The following PSMD11 variants were observed in gnomAD, a reference collection of about 807,000 sequenced individuals.
The protein encoded by PSMD11 is 26S proteasome non-ATPase regulatory subunit 11.
PSMD11 carries 5 observed loss-of-function variants against 62.3 expected under a neutral mutation model. The ratio of observed to expected loss-of-function variants is 0.08; its 90% CI spans 0.04 to 0.17. The LOEUF (loss-of-function observed/expected upper bound fraction) is 0.17. PSMD11 is among the 10% of genes least tolerant of loss of function. The pLI is 1.00. For synonymous variants in PSMD11, 191 were observed against 191.8 expected, an observed-to-expected ratio of 1.00 and a Z score of 0.03; for missense variants, 310 against 512.9, an observed-to-expected ratio of 0.60 and a Z score of 3.82.
chr17:32,459,127 T>TC (rs1907741752), intron 3 of PSMD11, among the ~76,000 whole-genome samples: 1 of 142,632 alleles, frequency 7.0e-6, no homozygotes. Context: ...TATATATATA[T>TC]ATATATATAT....
intron 5 of PSMD11, among the ~76,000 whole-genome samples, chr17:32,467,437 G>A (rs1333259936): frequency 6.6e-6 from 1 of 150,480 alleles, no homozygotes; most frequent in Non-Finnish European, 1.5e-5. Context: ...ATAGAGACGG[G>A]GTTTCACCAT....
intron 3 of PSMD11, among the ~76,000 whole-genome samples, chr17:32,456,914 G>A (rs1395683142): frequency 3.3e-5 from 5 of 152,228 alleles, no homozygotes; most frequent in East Asian, 1.9e-4. Flanking sequence ...TGATCCACCC[G>A]CCTTGGCCTC....
rs573297721 is a variant in PSMD11 at position 32,476,189 on chromosome 17, A to G, written c.850-1332A>G. Among the ~76,000 whole-genome samples, 66 of 152,106 alleles carry G rather than the reference A, an allele frequency of 4.3e-4. 1 individual carries two copies. The highest frequency in any genetic ancestry group is 9.2e-4 in the Admixed American group (14 of 15,274). On this transcript the variant is annotated intron_variant, in intron 8 of 13. Coordinates refer to ENST00000261712, the MANE Select transcript of PSMD11 (RefSeq NM_002815.4). The stretch of plus-strand genomic sequence containing the variant: ...AGGCTGAGGCAGGAGAATCACTTCA[A>G]ACGGGGAGTGGAAGTTGCAGTAAGC...
In PSMD11 at chr17:32,448,593, G is replaced by C. The variant is rs1237480206; in HGVS notation, c.193+1547G>C. On this transcript the variant is annotated intron_variant, in intron 2 of 13. Coordinates refer to ENST00000261712, the MANE Select transcript of PSMD11 (RefSeq NM_002815.4). ...TCACCATGTTGGTCAGGCTGGTCTT[G>C]AACTCCTGACCTCAGGTGATCTACC... is the stretch of plus-strand genomic sequence containing the variant. Among the ~76,000 whole-genome samples, 3 of 151,768 alleles carry C rather than the reference G, an allele frequency of 2.0e-5. No homozygotes were observed. In the East Asian group the frequency reaches 5.8e-4, roughly 29 times the overall value.
chr17:32,463,886 C>G (rs1166299232), intron 3 of PSMD11, among the ~76,000 whole-genome samples, 163 bp from the exon 4 acceptor site: 1 of 152,114 alleles, frequency 6.6e-6, no homozygotes, highest in African/African-American at 2.4e-5. Context: ...AGTTGATGCT[C>G]CATTATGATA....
At chr17:32,445,435 TTTC>T (rs1320660901) in intron 1 of PSMD11, 1 of 152,180 alleles carries the variant, frequency 6.6e-6, no homozygotes, top group African/African-American at 2.4e-5. Context: ...AAAATTAAAA[TTTC>T]TTAACGCTGT....
intron 6 of PSMD11, among the ~76,000 whole-genome samples, chr17:32,473,116 C>G (rs1908218448): frequency 6.7e-6 from 1 of 150,262 alleles, no homozygotes. Flanking sequence ...TGAGATTGCG[C>G]CATTGCACTC....
chr17:32,472,648 C>T (rs148621926), intron 6 of PSMD11, among the ~76,000 whole-genome samples: 340 of 151,978 alleles, frequency 2.2e-3, no homozygotes, highest in African/African-American at 7.2e-3. Flanking sequence ...AGAGATTCTC[C>T]TGCCTCAGCC....
chr17:32,450,277 C>T (rs1907450589), intron 2 of PSMD11, among the ~76,000 whole-genome samples: 1 of 149,944 alleles, frequency 6.7e-6, no homozygotes, highest in Non-Finnish European at 1.5e-5. Context: ...TTTTTTGAGA[C>T]CGAGTTTCAT....
At chr17:32,463,443 CTG>C (rs756558312) in intron 3 of PSMD11, 6 of 152,188 alleles carry the variant, frequency 3.9e-5, no homozygotes, top group East Asian at 1.9e-4. Flanking sequence ...CTGTAACTGA[CTG>C]TGAACAATCG....
In PSMD11 at chr17:32,479,877, A is replaced by G. The variant is rs1362537585; in HGVS notation, c.1065A>G (p.Lys355=). The change falls in exon 11 of 14, where the codon AAA becomes AAG. Residue 355 remains lysine, a synonymous_variant. Transcript: ENST00000261712. ...VQIEHISSLI[K]LSKADVERKL... ...TTGAACACATATCTAGTCTCATCAA[A>G]CTCTCCAAGGTAAGGAGTCTTAAGG... 1 of 1,613,578 alleles carries G rather than the reference A, an allele frequency of 6.2e-7. No individual in the cohort carries two copies.
intron 3 of PSMD11, among the ~76,000 whole-genome samples, chr17:32,462,755 C>T (rs1444246119): frequency 2.0e-5 from 3 of 152,206 alleles, no homozygotes; most frequent in South Asian, 4.1e-4. Flanking sequence ...GGTGCGATCT[C>T]GGCTCACCGC....
At chr17:32,453,037 C>A (rs1567852105) in intron 2 of PSMD11, among the ~76,000 whole-genome samples, 1 of 152,092 alleles carries the variant, frequency 6.6e-6, no homozygotes, top group Admixed American at 6.6e-5. Context: ...TTTTGTGTTT[C>A]AAAAAGGAAT....
intron 5 of PSMD11, among the ~76,000 whole-genome samples, chr17:32,466,148 A>G (rs979631486): frequency 1.3e-5 from 2 of 152,146 alleles, no homozygotes; most frequent in African/African-American, 4.8e-5. Flanking sequence ...GGCACCTGTC[A>G]CCATGCCTGG....
intron 8 of PSMD11, among the ~76,000 whole-genome samples, chr17:32,475,969 A>G (rs1461564917): frequency 1.3e-5 from 2 of 152,060 alleles, no homozygotes; most frequent in Non-Finnish European, 2.9e-5. Context: ...TTGCTGATAA[A>G]AAGCCAATTA....
At position 32,473,781 on chromosome 17, in the gene PSMD11, CCTTT is replaced by C. The variant is rs1908242807; in HGVS notation, c.644-15_644-12del. 1 of 1,611,454 alleles carries C rather than the reference CCTTT, an allele frequency of 6.2e-7. No homozygotes were observed. Among genetic ancestry groups the C allele is most frequent in the African/African-American group, 1.3e-5 (1 of 74,772 alleles). ...CTCTATTATTTTATATGTTCTTATTCCTTTCTTTTCAATGCCCAGGTATTATCCA... is the reference window on the plus strand; with the variant it reads ...CTCTATTATTTTATATGTTCTTATTCCTTTTCAATGCCCAGGTATTATCCA... On this transcript the variant is annotated splice_polypyrimidine_tract_variant and intron_variant, in intron 6 of 13. Coordinates refer to ENST00000261712, the MANE Select transcript of PSMD11 (RefSeq NM_002815.4).
intron 9 of PSMD11, 104 bp downstream of exon 9, chr17:32,477,687 C>A: frequency 9.5e-7 from 1 of 1,054,858 alleles, no homozygotes; most frequent in Non-Finnish European, 1.4e-6. Flanking sequence ...AAAGAAGTTG[C>A]AAATGATTCC....
chr17:32,476,794 C>T (rs1908337011), intron 8 of PSMD11: 1 of 152,204 alleles, frequency 6.6e-6, no homozygotes, highest in African/African-American at 2.4e-5. Context: ...GAGACGGATT[C>T]TTTTTCTATC....
At chr17:32,479,813 A>G (rs758225423) in intron 10 of PSMD11, 38 bp from the exon 11 acceptor site, 1 of 1,604,728 alleles carries the variant, frequency 6.2e-7, no homozygotes, top group East Asian at 2.2e-5. Context: ...GCAAAAGTAA[A>G]ACTTTCAGTG....
Sources: allele counts gnomAD v4.1 joint callset (sites outside exome capture counted in the v4.1 genomes callset), GRCh38; gene constraint gnomAD v4.1.1; transcripts MANE v1.5; gene names NCBI Gene and HGNC (gene_info 2026-07-23, HGNC 2026-07-21).